The following CCDC9B variants were observed in gnomAD, a reference collection of about 807,000 sequenced individuals.
CCDC9B encodes coiled-coil domain-containing protein 9B.
CCDC9B carries 40 observed loss-of-function variants against 47.2 expected under a neutral mutation model. The observed-to-expected ratio is 0.85, with a 90% CI of 0.66 to 1.10. The LOEUF is 1.10. Among genes scored for constraint, CCDC9B ranks in the 50% least tolerant of loss-of-function variants. The probability of loss-of-function intolerance (pLI) is 0.00; values close to 1 mark genes in which losing one functional copy is unlikely to be tolerated. For missense variants in CCDC9B, 662 were observed against 651.0 expected (o/e 1.02, Z -0.18); for synonymous variants, 238 against 250.7 (o/e 0.95, Z 0.48).
Position 40,340,925 on chromosome 15 carries a change from G to C in CCDC9B, c.-106C>G. 2 of 1,607,828 alleles carry C rather than the reference G, an allele frequency of 1.2e-6. No homozygotes were observed. Among genetic ancestry groups the C allele is most frequent in the South Asian group, 1.1e-5 (1 of 90,140 alleles). ...GGCCTCTGCCGGCCTCTCCCTGCCG[G>C]CTTCGCTGCTCAGCACACGAGATCA... On this transcript the variant is annotated 5_prime_UTR_variant, in exon 1 of 11. Transcript: ENST00000397536.
intron 7 of CCDC9B, 155 bp from the exon 8 acceptor site, chr15:40,336,968 G>C: frequency 3.0e-6 from 2 of 667,986 alleles, no homozygotes; most frequent in South Asian, 3.6e-5. Flanking sequence ...AGGAGAATAG[G>C]GTCCTGTGCT....
Position 40,335,459 on chromosome 15 carries a change from C to T in CCDC9B, c.1172G>A (p.Ser391Asn), listed in dbSNP as rs1281990497. The T allele has an allele frequency of 1.2e-6, 2 of 1,604,096 alleles. No homozygotes were observed. The highest frequency in any genetic ancestry group is 1.7e-6 in the Non-Finnish European group (2 of 1,175,296). Residue 391 changes from serine to asparagine, a missense_variant, in exon 11 of 11, where the codon AGC becomes AAC. Transcript: ENST00000397536. ...GGAGIPGPRE[S>N]GCVLGLRPGA... ...AGGCCTCAGACCGAGCACACACCCGCTCTCCCTGGGCCCAGGGATGCCAGC... is the reference window on the plus strand; with the variant it reads ...AGGCCTCAGACCGAGCACACACCCGTTCTCCCTGGGCCCAGGGATGCCAGC...
Position 40,332,943 on chromosome 15 carries a change from T to G in CCDC9B, c.*2215A>C, listed in dbSNP as rs561040229. The G allele has an allele frequency of 6.6e-6, 1 of 152,228 alleles. No homozygotes were observed. Among genetic ancestry groups the G allele is most frequent in the African/African-American group, 2.4e-5 (1 of 41,518 alleles). 9.4% of individuals were successfully genotyped at this position (152,228 alleles called of 1,614,324 possible). On this transcript the variant is annotated 3_prime_UTR_variant, in exon 11 of 11. Coordinates refer to ENST00000397536, the MANE Select transcript of CCDC9B (RefSeq NM_207380.3). ...GAATGTTTCCAAGCCTTTCCAAAAT[T>G]CCTCTGATCAACCCCACACCAAATG...
chr15:40,340,708 GCCCCAGCTGT>G, intron 1 of CCDC9B, 90 bp downstream of exon 1: 1 of 1,149,564 alleles, frequency 8.7e-7, no homozygotes, highest in Non-Finnish European at 1.2e-6. Context: ...CTTCCTCCCA[GCCCCAGCTGT>G]CCCCAGCTGC....
Position 40,335,462 on chromosome 15 carries a change from T to C in CCDC9B, c.1169A>G (p.Glu390Gly), listed in dbSNP as rs776057786. 3.1e-6 allele frequency: 5 copies of C among 1,601,238 alleles called. No individual in the cohort carries two copies. The highest frequency in any genetic ancestry group is 1.7e-4 in the Middle Eastern group (1 of 5,980). The change falls in exon 11 of 11, where the codon GAG (glutamate) becomes GGG (glycine). Residue 390 changes from glutamate (E) to glycine (G), a missense_variant. By Grantham distance (98) the Glu-to-Gly change is moderately conservative. Coordinates refer to ENST00000397536, the MANE Select transcript of CCDC9B (RefSeq NM_207380.3). ...LGGAGIPGPR[E>G]SGCVLGLRPG... is the part of the protein sequence containing the mutation. The stretch of plus-strand genomic sequence containing the variant: ...CCTCAGACCGAGCACACACCCGCTC[T>C]CCCTGGGCCCAGGGATGCCAGCCCC...
Position 40,337,706 on chromosome 15 carries a change from C to G in CCDC9B, c.683+18G>C. On this transcript the variant is annotated intron_variant, in intron 6 of 10. Coordinates refer to ENST00000397536, the MANE Select transcript of CCDC9B (RefSeq NM_207380.3). ...TCCATCCCGCACCACAGGCAACCTG[C>G]CCAACCCAGCCACCCACGTGGACTT... 1 of 1,577,390 alleles carries G rather than the reference C, an allele frequency of 6.3e-7. No homozygotes were observed. The highest frequency in any genetic ancestry group is 1.8e-5 in the Admixed American group (1 of 57,018).
At chr15:40,336,436 C>T in intron 9 of CCDC9B, 138 bp downstream of exon 9, 1 of 1,430,558 alleles carries the variant, frequency 7.0e-7, no homozygotes, top group Non-Finnish European at 9.1e-7. Flanking sequence ...CCTCTCCCAG[C>T]ATCTCATTAA....
intron 9 of CCDC9B, 120 bp from the exon 10 acceptor site, chr15:40,335,946 C>T: frequency 6.6e-7 from 1 of 1,525,072 alleles, no homozygotes; most frequent in Non-Finnish European, 8.8e-7. Context: ...GCTGGGACCC[C>T]ATGGTTTAGG....
At position 40,336,412 on chromosome 15, in the gene CCDC9B, G is replaced by C. The variant is rs1044619282; in HGVS notation, c.887+162C>G. The C allele has an allele frequency of 5.8e-6, 8 of 1,375,712 alleles. No individual in the cohort carries two copies. The African/African-American group carries it at 1.2e-4, about 21-fold the overall frequency. 85.2% of individuals were successfully genotyped at this position (1,375,712 alleles called of 1,614,324 possible). On this transcript the variant is annotated intron_variant, in intron 9 of 10. Coordinates refer to ENST00000397536, the MANE Select transcript of CCDC9B (RefSeq NM_207380.3). ...CCCCGGGCACCAGGCTCTCGCTGCA[G>C]CCTCTGCTAATGGCCTCTCCCAGCA...
At position 40,332,108 on chromosome 15, in the gene CCDC9B, C is replaced by T. The variant is rs1484103300; in HGVS notation, c.*3050G>A. The stretch of plus-strand genomic sequence containing the variant: ...CTCCACCTTTGAAGAGCAGTCTTTT[C>T]TGTTGGTTGGAGAAGAGAAAGACAC... On this transcript the variant is annotated 3_prime_UTR_variant, in exon 11 of 11. Transcript: ENST00000397536. 6.6e-6 allele frequency: 1 copy of T among 152,174 alleles called. No individual in the cohort carries two copies. The highest frequency in any genetic ancestry group is 2.4e-5 in the African/African-American group (1 of 41,422). The allele number at this position is 152,174 out of a possible 1,614,324, so 9.4% of individuals were successfully genotyped here.
chr15:40,332,060 G>A lies in CCDC9B; in HGVS notation c.*3098C>T, dbSNP rs1888870252. ...CCCCCAGCCCTGTGCCTGGGCTCCT[G>A]GCAGCTGTGTTTCATGAAGACCCTC... On this transcript the variant is annotated 3_prime_UTR_variant, in exon 11 of 11. Coordinates refer to ENST00000397536, the MANE Select transcript of CCDC9B (RefSeq NM_207380.3). 2.0e-5 allele frequency: 3 copies of A among 152,194 alleles called. No homozygotes were observed. The highest frequency in any genetic ancestry group is 7.2e-5 in the African/African-American group (3 of 41,418). 9.4% of individuals were successfully genotyped at this position (152,194 alleles called of 1,614,324 possible). A position where few individuals can be genotyped will look rare whatever the true frequency, so the allele number is the denominator to read the frequency against.
In CCDC9B at chr15:40,335,006, C is replaced by T. The variant is rs1888924328; in HGVS notation, c.*152G>A. ...AGGTGCAGGGAGGCCACTCCTTGCC[C>T]TCACAAGGTCGCCATGCTGGAGAGT... On this transcript the variant is annotated 3_prime_UTR_variant, in exon 11 of 11. Transcript: ENST00000397536. The T allele has an allele frequency of 7.4e-6, 5 of 671,584 alleles. No homozygotes were observed. In the South Asian group the frequency reaches 1.3e-4, roughly 18 times the overall value. The allele number at this position is 671,584 out of a possible 1,614,324, so 41.6% of individuals were successfully genotyped here. A position where few individuals can be genotyped will look rare whatever the true frequency, so the allele number is the denominator to read the frequency against.
Position 40,335,353 on chromosome 15 carries a change from C to G in CCDC9B, c.1278G>C (p.Leu426=), listed in dbSNP as rs1566907245. The change falls in exon 11 of 11, where the codon CTG becomes CTC. Residue 426 remains leucine (L), a synonymous_variant. Transcript: ENST00000397536. ...PLGWSNHQAE[L]EVQTCPEPQR... is the part of the protein sequence containing the mutation. Reference sequence around the variant, plus strand: ...GTGGCTCAGGGCAAGTCTGTACTTCCAGCTCAGCCTGGTGATTGCTCCACC... The same window carrying G: ...GTGGCTCAGGGCAAGTCTGTACTTCGAGCTCAGCCTGGTGATTGCTCCACC... The G allele has an allele frequency of 2.5e-6, 4 of 1,613,494 alleles. No individual in the cohort carries two copies. Among genetic ancestry groups the G allele is most frequent in the Non-Finnish European group, 3.4e-6 (4 of 1,179,918 alleles).
At position 40,335,056 on chromosome 15, in the gene CCDC9B, G is replaced by T; in HGVS notation, c.*102C>A. ...TTTGCCACACTGCTCAGTGACAATG[G>T]CGCAAGCCACCGGCAACCACATGGC... is the stretch of plus-strand genomic sequence containing the variant. On this transcript the variant is annotated 3_prime_UTR_variant, in exon 11 of 11. Transcript: ENST00000397536. 1 of 1,209,766 alleles carries T rather than the reference G, an allele frequency of 8.3e-7. No individual in the cohort carries two copies. Among genetic ancestry groups the T allele is most frequent in the Non-Finnish European group, 1.1e-6 (1 of 884,824 alleles). The allele number at this position is 1,209,766 out of a possible 1,614,324, so 74.9% of individuals were successfully genotyped here.
At chr15:40,337,552 G>A in intron 6 of CCDC9B, 106 bp from the exon 7 acceptor site, 1 of 1,214,646 alleles carries the variant, frequency 8.2e-7, no homozygotes, top group Non-Finnish European at 1.1e-6. Flanking sequence ...AGGCAGCAGG[G>A]AGATGGTGGG....
chr15:40,337,604 C>T (rs957659589), intron 6 of CCDC9B, 120 bp downstream of exon 6: 44 of 1,262,660 alleles, frequency 3.5e-5, no homozygotes, highest in African/African-American at 7.5e-5. Context: ...ACCCTGGGCT[C>T]GACCAGAATG....
chr15:40,338,586 C>T lies in CCDC9B; in HGVS notation c.462G>A (p.Val154=). ...CCACCTGCGTGGGGGGGCTTCGGGT[C>T]ACACGCCCTCCAGGTGACCCCTCTA... ...QGIEGSPGGR[V]TRSPPTQVAI... The change falls in exon 5 of 11, where the codon GTG becomes GTA. Residue 154 remains valine (V), a synonymous_variant. Transcript: ENST00000397536. 1 of 1,614,158 alleles carries T rather than the reference C, an allele frequency of 6.2e-7. No homozygotes were observed. Among genetic ancestry groups the T allele is most frequent in the Non-Finnish European group, 8.5e-7 (1 of 1,180,012 alleles).
rs571631961 is a variant in CCDC9B, at chr15:40,336,393, G to C, written c.887+181C>G. The C allele has an allele frequency of 1.2e-5, 12 of 985,384 alleles. No individual in the cohort carries two copies. In the East Asian group the frequency reaches 1.4e-3, roughly 112 times the overall value. 61.0% of individuals were successfully genotyped at this position (985,384 alleles called of 1,614,324 possible). Reference sequence around the variant, plus strand: ...CTGTAATTACCACCAGCCTCCCCGGGCACCAGGCTCTCGCTGCAGCCTCTG... The same window carrying C: ...CTGTAATTACCACCAGCCTCCCCGGCCACCAGGCTCTCGCTGCAGCCTCTG... On this transcript the variant is annotated intron_variant, in intron 9 of 10. Coordinates refer to ENST00000397536, the MANE Select transcript of CCDC9B (RefSeq NM_207380.3).
In CCDC9B at chr15:40,339,996, G is replaced by A. The variant is rs746433187; in HGVS notation, c.32C>T (p.Ser11Phe). 1.2e-6 allele frequency: 2 copies of A among 1,612,970 alleles called. No homozygotes were observed. Among genetic ancestry groups the A allele is most frequent in the Admixed American group, 1.7e-5 (1 of 59,988 alleles). The change falls in exon 2 of 11, where the codon TCC becomes TTC. Residue 11 changes from serine to phenylalanine, a missense_variant. Physicochemically the swap from Ser to Phe is radical, Grantham distance 155. Transcript: ENST00000397536. MHSAGTPRAE[S>F]PMSRQEKDAE... ...GTCCTTCTCCTGCCTGCTCATGGGG[G>A]ACTCGGCTCTGGGAGTTCCCTGCAG... is the stretch of plus-strand genomic sequence containing the variant.
Sources: allele counts gnomAD v4.1 joint callset, GRCh38; gene constraint gnomAD v4.1.1; transcripts MANE v1.5; gene names NCBI Gene and HGNC (gene_info 2026-07-23, HGNC 2026-07-21).